Variants in TMEM273 observed in about 807,000 individuals in gnomAD.
The protein encoded by TMEM273 is chromosome 10 open reading frame 128.
Under a neutral mutation model 17.9 loss-of-function variants are expected in TMEM273, and 19 were observed. The observed-to-expected ratio is 1.06, with a 90% CI of 0.74 to 1.55. The LOEUF is 1.55. Among genes scored for constraint, TMEM273 ranks in the 40% most tolerant of loss-of-function variants. The pLI is 0.00. For missense variants in TMEM273, 194 were observed against 155.6 expected, an observed-to-expected ratio of 1.25 and a Z score of -1.31; for synonymous variants, 66 against 62.0, an observed-to-expected ratio of 1.07 and a Z score of -0.31.
chr10:49,181,180 G>A (rs1847319409), intron 1 of TMEM273, among the ~76,000 whole-genome samples: 1 of 152,150 alleles, frequency 6.6e-6, no homozygotes, highest in Admixed American at 6.5e-5. Context: ...GCAGGTGTAA[G>A]TCTAATAGCA....
chr10:49,171,164 G>A (rs1466223354), intron 1 of TMEM273, among the ~76,000 whole-genome samples: 2 of 152,276 alleles, frequency 1.3e-5, no homozygotes, highest in African/African-American at 4.8e-5. Flanking sequence ...GTAAGGCTGT[G>A]TGAAACAGGC....
chr10:49,167,159 C>T, intron 2 of TMEM273, 150 bp from the exon 3 acceptor site: 1 of 1,120,630 alleles, frequency 8.9e-7, no homozygotes, highest in Non-Finnish European at 1.3e-6. Flanking sequence ...CCATGAGTCC[C>T]TTTGCTCCTA....
chr10:49,165,739 C>T, intron 4 of TMEM273, 27 bp downstream of exon 4: 1 of 1,614,026 alleles, frequency 6.2e-7, no homozygotes, highest in Non-Finnish European at 8.5e-7. Flanking sequence ...CGATACCTCT[C>T]CCTGACTGTG....
intron 6 of TMEM273, among the ~76,000 whole-genome samples, chr10:49,159,501 T>C (rs530844729): frequency 2.0e-5 from 3 of 152,312 alleles, no homozygotes; most frequent in Non-Finnish European, 4.4e-5. Flanking sequence ...GTTTTTACTT[T>C]GGAGAAGGCA....
intron 1 of TMEM273, among the ~76,000 whole-genome samples, chr10:49,187,896 T>C (rs1221686700): frequency 6.6e-6 from 1 of 152,258 alleles, no homozygotes; most frequent in East Asian, 1.9e-4. Flanking sequence ...TATTTTGATT[T>C]GACTTAATTA....
chr10:49,186,235 G>A (rs1479825287), intron 1 of TMEM273, among the ~76,000 whole-genome samples: 1 of 152,172 alleles, frequency 6.6e-6, no homozygotes, highest in East Asian at 1.9e-4. Flanking sequence ...AGAAAGGCAT[G>A]TCTTTCAACT....
At chr10:49,179,528 C>A (rs1431345418) in intron 1 of TMEM273, among the ~76,000 whole-genome samples, 1 of 152,184 alleles carries the variant, frequency 6.6e-6, no homozygotes, top group African/African-American at 2.4e-5. Flanking sequence ...TCTTTTCAAA[C>A]TTACTTTTCT....
At chr10:49,185,541 C>T (rs1364286484) in intron 1 of TMEM273, among the ~76,000 whole-genome samples, 1 of 152,170 alleles carries the variant, frequency 6.6e-6, no homozygotes, top group Non-Finnish European at 1.5e-5. Flanking sequence ...GGAAGCCCAA[C>T]GTTTCCTTCA....
rs1252779722 is a variant in TMEM273 at position 49,161,589 on chromosome 10, T to A, written c.372+10A>T. ...TCCTTTTAAGACAAGTGATCACTCTTACAACTCACCTTTTGGAGAAATTGT... is the reference window on the plus strand; with the variant it reads ...TCCTTTTAAGACAAGTGATCACTCTAACAACTCACCTTTTGGAGAAATTGT... On this transcript the variant is annotated intron_variant, in intron 6 of 6. Coordinates refer to ENST00000374153, the MANE Select transcript of TMEM273 (RefSeq NM_001288740.3). 1 of 1,614,242 alleles carries A rather than the reference T, an allele frequency of 6.2e-7. No individual in the cohort carries two copies. Among genetic ancestry groups the A allele is most frequent in the East Asian group, 2.2e-5 (1 of 44,884 alleles).
At chr10:49,159,141 A>G (rs1347947239) in intron 6 of TMEM273, among the ~76,000 whole-genome samples, 1 of 152,114 alleles carries the variant, frequency 6.6e-6, no homozygotes, top group East Asian at 1.9e-4. Flanking sequence ...AATCGTGTAC[A>G]TGACACACGA....
chr10:49,177,884 T>C (rs890915593), intron 1 of TMEM273, among the ~76,000 whole-genome samples: 1 of 152,158 alleles, frequency 6.6e-6, no homozygotes, highest in Non-Finnish European at 1.5e-5. Context: ...ACCAGTTTAC[T>C]CAGCCACACA....
intron 2 of TMEM273, 106 bp downstream of exon 2, chr10:49,167,803 G>T: frequency 1.4e-6 from 2 of 1,449,990 alleles, no homozygotes; most frequent in South Asian, 1.2e-5. Context: ...TTCCTATGCT[G>T]ACAGCAGGGA....
chr10:49,158,421 C>A (rs1364836524), intron 6 of TMEM273, among the ~76,000 whole-genome samples: 1 of 152,098 alleles, frequency 6.6e-6, no homozygotes, highest in Non-Finnish European at 1.5e-5. Flanking sequence ...CCCCAGCTCC[C>A]GCACCATGAA....
intron 6 of TMEM273, chr10:49,156,128 CAAACCCAAGGCAAACAA>C: frequency 6.5e-7 from 1 of 1,536,522 alleles, no homozygotes; most frequent in Non-Finnish European, 8.8e-7. Context: ...TTCTGCCTGC[CAAACCCAAGGCAAACAA>C]AACTTCATCC....
At chr10:49,166,540 T>C (rs1846195838) in intron 3 of TMEM273, 2 of 329,792 alleles carry the variant, frequency 6.1e-6, no homozygotes, top group Non-Finnish European at 1.2e-5. Context: ...CTCTCCCACC[T>C]TTCTCCAGGA....
chr10:49,161,715 A>G, intron 5 of TMEM273, 93 bp from the exon 6 acceptor site: 1 of 1,523,020 alleles, frequency 6.6e-7, no homozygotes, highest in African/African-American at 1.4e-5. Flanking sequence ...CTTGCTTGTC[A>G]TTAGCTTGCT....
chr10:49,162,448 C>G (rs1246306087), intron 5 of TMEM273, among the ~76,000 whole-genome samples: 1 of 152,162 alleles, frequency 6.6e-6, no homozygotes, highest in East Asian at 1.9e-4. Context: ...CTAAGATGTC[C>G]CTGAAGCATG....
intron 1 of TMEM273, among the ~76,000 whole-genome samples, chr10:49,170,003 C>T (rs1846452617): frequency 6.6e-6 from 1 of 152,228 alleles, no homozygotes; most frequent in South Asian, 2.1e-4. Flanking sequence ...ACGCCCTCCC[C>T]CTGCCACACT....
intron 1 of TMEM273, among the ~76,000 whole-genome samples, chr10:49,177,800 C>G (rs1847083220): frequency 2.0e-5 from 3 of 152,256 alleles, no homozygotes; most frequent in African/African-American, 7.2e-5. Context: ...CCTTGCCACA[C>G]AGCCCTGGCC....
Sources: allele counts gnomAD v4.1 joint callset (sites outside exome capture counted in the v4.1 genomes callset), GRCh38; gene constraint gnomAD v4.1.1; transcripts MANE v1.5; gene names NCBI Gene and HGNC (gene_info 2026-07-23, HGNC 2026-07-21).